The following TP63 variants were observed in gnomAD, a reference collection of about 807,000 sequenced individuals.
TP63 encodes tumor protein p63, also known as tumor protein 63.
TP63 carries 17 observed loss-of-function variants against 82.8 expected under a neutral mutation model. The ratio of observed to expected loss-of-function variants is 0.21; its 90% confidence interval spans 0.14 to 0.31. TP63 has a LOEUF of 0.31. Among genes scored for constraint, TP63 ranks in the 10% least tolerant of loss-of-function variants. The pLI is 1.00. For missense variants in TP63, 648 were observed against 895.3 expected (o/e 0.72, Z 3.52); for synonymous variants, 330 against 321.7 (o/e 1.03, Z -0.28).
chr3:189,792,389 G>A (rs1262817549), intron 3 of TP63, among the ~76,000 whole-genome samples: 5 of 151,972 alleles, frequency 3.3e-5, no homozygotes, highest in Admixed American at 6.6e-5. Flanking sequence ...CTTCTTCACA[G>A]ATCAAGTTTT....
intron 1 of TP63, among the ~76,000 whole-genome samples, chr3:189,714,768 TAG>T (rs1206852992): frequency 1.3e-5 from 2 of 152,134 alleles, no homozygotes; most frequent in African/African-American, 4.8e-5. Flanking sequence ...TTCTCAGAGT[TAG>T]AGTCATTGAA....
chr3:189,863,619 C>T (rs1030576362), intron 4 of TP63, among the ~76,000 whole-genome samples: 7 of 152,188 alleles, frequency 4.6e-5, no homozygotes, highest in Non-Finnish European at 8.8e-5. Context: ...CCCCTTTCAG[C>T]TCTTGCATTC....
At position 189,808,498 on chromosome 3, in the gene TP63, C is replaced by A; in HGVS notation, c.551C>A (p.Ser184Ter). 6.2e-7 allele frequency: 1 copy of A among 1,614,184 alleles called. No individual in the cohort carries two copies. The highest frequency in any genetic ancestry group is 8.5e-7 in the Non-Finnish European group (1 of 1,180,046). The change falls in exon 4 of 14, where the codon TCG (serine) becomes TAG (stop). Residue 184 changes from serine (S) to a stop codon, truncating the protein, a stop_gained. Transcript: ENST00000264731. LOFTEE classifies it high-confidence loss of function. ...PHSFDVSFQQ[S>*]STAKSATWTY... ...AGTTTCGACGTGTCCTTCCAGCAGT[C>A]GAGCACCGCCAAGTCGGCCACCTGG...
intron 5 of TP63, 29 bp downstream of exon 5, chr3:189,864,447 C>T: frequency 6.3e-7 from 1 of 1,587,462 alleles, no homozygotes; most frequent in Middle Eastern, 1.7e-4. Context: ...TCTAACTGTT[C>T]AACCTCCTTG....
At chr3:189,789,813 GA>G in intron 3 of TP63, 1 of 1,596,124 alleles carries the variant, frequency 6.3e-7, no homozygotes, top group Non-Finnish European at 8.5e-7. Context: ...GTTGTACCTG[GA>G]AAACAATGCC....
Position 189,745,893 on chromosome 3 carries a change from TA to T in TP63, c.324+7127del, listed in dbSNP as rs201916552. On this transcript the variant is annotated intron_variant, in intron 3 of 13. Transcript: ENST00000264731. The stretch of plus-strand genomic sequence containing the variant: ...TAGATAAAAATGAAAACAGAAGAAT[TA>T]AAAAAAATCAAAGCATACATAACAT... Among the ~76,000 whole-genome samples, 1,253 of 151,036 alleles carry T rather than the reference TA, an allele frequency of 8.3e-3. 7 individuals are homozygous for T. Among genetic ancestry groups the T allele is most frequent in the Middle Eastern group, 0.014 (4 of 290 alleles).
At chr3:189,875,615 T>TATATATATATATATATACAC (rs1719038927) in intron 10 of TP63, among the ~76,000 whole-genome samples, 1 of 110,408 alleles carries the variant, frequency 9.1e-6, no homozygotes, top group African/African-American at 3.9e-5. Flanking sequence ...TATATATATA[T>TATATATATATATATATACAC]ATATATATAT....
At chr3:189,603,556 C>T in the TP63 span, among the ~76,000 whole-genome samples, 1 of 149,194 alleles carries the variant, frequency 6.7e-6, no homozygotes, top group Non-Finnish European at 1.5e-5. Flanking sequence ...CTAAGTTCTG[C>T]TTTTCCCTTG....
chr3:189,637,857 G>A (rs565317637), intron 1 of TP63, among the ~76,000 whole-genome samples: 43 of 152,202 alleles, frequency 2.8e-4, no homozygotes, highest in Non-Finnish European at 4.6e-4. Context: ...TAAAGTAGGT[G>A]GAATAACTCG....
At chr3:189,753,344 T>G (rs1374102250) in intron 3 of TP63, among the ~76,000 whole-genome samples, 2 of 152,090 alleles carry the variant, frequency 1.3e-5, no homozygotes. Flanking sequence ...ATGTCATATT[T>G]AAGATTGTTA....
At chr3:189,744,926 G>A (rs1162151854) in intron 3 of TP63, among the ~76,000 whole-genome samples, 3 of 152,178 alleles carry the variant, frequency 2.0e-5, no homozygotes, top group Non-Finnish European at 2.9e-5. Context: ...CCTACCGGGT[G>A]TCTAAAACCC....
At position 189,785,390 on chromosome 3, in the gene TP63, C is replaced by G. The variant is rs1314918339; in HGVS notation, c.325-22882C>G. ...CATGATGAACATAAATGTATTCTGA[C>G]TTCAAAAACTTCACAATCTTGTTGA... On this transcript the variant is annotated intron_variant, in intron 3 of 13. Transcript: ENST00000264731. 2.0e-5 allele frequency among the ~76,000 whole-genome samples: 3 copies of G among 151,980 alleles called. No homozygotes were observed. The South Asian group carries it at 6.2e-4, about 31-fold the overall frequency.
intron 3 of TP63, among the ~76,000 whole-genome samples, chr3:189,755,290 TAATAA>T (rs1274304471): frequency 3.9e-5 from 6 of 152,160 alleles, no homozygotes; most frequent in Admixed American, 2.6e-4. Flanking sequence ...TTTATTTTTA[TAATAA>T]AATATCAATT....
At chr3:189,617,361 A>C in the TP63 span, among the ~76,000 whole-genome samples, 5 of 152,238 alleles carry the variant, frequency 3.3e-5, no homozygotes, top group Non-Finnish European at 7.3e-5. Context: ...TATATCCCAC[A>C]TGAATGTGAA....
chr3:189,598,563 CAA>C, the TP63 span, among the ~76,000 whole-genome samples: 1 of 152,104 alleles, frequency 6.6e-6, no homozygotes, highest in Non-Finnish European at 1.5e-5. Context: ...AAGGCACAAA[CAA>C]ATATACATAC....
the TP63 span, among the ~76,000 whole-genome samples, chr3:189,614,906 A>G: frequency 1.3e-5 from 2 of 152,144 alleles, no homozygotes; most frequent in South Asian, 2.1e-4. Context: ...ATCCACCTAC[A>G]CAGCTACTTC....
chr3:189,640,657 T>C (rs1048138192), intron 1 of TP63, among the ~76,000 whole-genome samples: 1 of 152,178 alleles, frequency 6.6e-6, no homozygotes, highest in Non-Finnish European at 1.5e-5. Context: ...AAAATGTACA[T>C]ACAATTTTAC....
intron 10 of TP63, among the ~76,000 whole-genome samples, chr3:189,875,301 C>T (rs908600724): frequency 2.0e-5 from 3 of 151,998 alleles, no homozygotes; most frequent in Admixed American, 2.0e-4. Flanking sequence ...GGCACGGTGG[C>T]TCACGCCTGT....
intron 10 of TP63, among the ~76,000 whole-genome samples, chr3:189,874,904 T>A (rs1718855856): frequency 6.6e-6 from 1 of 151,952 alleles, no homozygotes; most frequent in Admixed American, 6.6e-5. Flanking sequence ...AAAGTTTGAC[T>A]ATACCAAAAT....
Sources: allele counts gnomAD v4.1 joint callset (sites outside exome capture counted in the v4.1 genomes callset), GRCh38; gene constraint gnomAD v4.1.1; transcripts MANE v1.5; gene names NCBI Gene and HGNC (gene_info 2026-07-23, HGNC 2026-07-21).